Variants in AGBL1 observed in about 807,000 individuals in gnomAD.
AGBL1 encodes AGBL carboxypeptidase 1.
Under a neutral mutation model 118.9 loss-of-function variants are expected in AGBL1, and 130 were observed. The observed-to-expected ratio is 1.09, with a 90% CI of 0.95 to 1.26. AGBL1 has a LOEUF of 1.26. Ranked by LOEUF, AGBL1 falls within the 50% of genes most tolerant of loss-of-function variation. The probability of loss-of-function intolerance (pLI) is 0.00; values close to 1 mark genes in which losing one functional copy is unlikely to be tolerated. For missense variants in AGBL1, 1,584 were observed against 1,298.1 expected (o/e 1.22, Z -3.38); for synonymous variants, 555 against 478.9 (o/e 1.16, Z -2.08).
At chr15:86,294,196 G>A (rs760373089) in intron 16 of AGBL1, among the ~76,000 whole-genome samples, 6 of 151,968 alleles carry the variant, frequency 3.9e-5, no homozygotes, top group African/African-American at 4.8e-5. Flanking sequence ...TCAGGAGTTC[G>A]AGATCAGCCT....
intron 5 of AGBL1, among the ~76,000 whole-genome samples, chr15:86,199,776 G>C (rs180838514): frequency 1.3e-5 from 2 of 152,134 alleles, no homozygotes; most frequent in Admixed American, 6.5e-5. Flanking sequence ...TAAAATTTGC[G>C]TAGTGTTTAT....
intron 22 of AGBL1, among the ~76,000 whole-genome samples, chr15:86,807,339 C>G (rs1001246628): frequency 6.6e-6 from 1 of 152,060 alleles, no homozygotes; most frequent in Non-Finnish European, 1.5e-5. Flanking sequence ...TTCATAATAA[C>G]CTGTTGGAGA....
intron 22 of AGBL1, among the ~76,000 whole-genome samples, chr15:86,900,467 A>ATCCAT (rs2080195401): frequency 6.6e-6 from 1 of 152,118 alleles, no homozygotes; most frequent in Non-Finnish European, 1.5e-5. Flanking sequence ...AAAATAATTT[A>ATCCAT]TCCATTCTTA....
At chr15:86,697,232 A>T (rs2086278744) in intron 22 of AGBL1, among the ~76,000 whole-genome samples, 1 of 151,862 alleles carries the variant, frequency 6.6e-6, no homozygotes, top group Non-Finnish European at 1.5e-5. Context: ...CAGGAATGCC[A>T]GTTATTCCTA....
At chr15:86,856,010 T>G (rs2079474925) in intron 22 of AGBL1, among the ~76,000 whole-genome samples, 1 of 152,178 alleles carries the variant, frequency 6.6e-6, no homozygotes, top group Admixed American at 6.6e-5. Context: ...TTACATAGCT[T>G]CAGCCTCCAG....
intron 22 of AGBL1, among the ~76,000 whole-genome samples, chr15:86,828,914 G>A (rs1266866167): frequency 2.1e-5 from 3 of 141,862 alleles, no homozygotes; most frequent in Admixed American, 7.1e-5. Context: ...AAGTTCAAAA[G>A]TATATATATA....
At chr15:86,394,043 G>A (rs2141985213) in intron 17 of AGBL1, among the ~76,000 whole-genome samples, 1 of 152,274 alleles carries the variant, frequency 6.6e-6, no homozygotes, top group Admixed American at 6.5e-5. Flanking sequence ...CTGTAAAAAA[G>A]AAATTTCAGT....
chr15:86,481,654 A>G (rs1398483676), intron 18 of AGBL1, among the ~76,000 whole-genome samples: 1 of 152,090 alleles, frequency 6.6e-6, no homozygotes, highest in East Asian at 1.9e-4. Flanking sequence ...ACTGTTGCCA[A>G]TCTTTTCCTA....
chr15:86,756,218 A>G (rs540778344), intron 22 of AGBL1, among the ~76,000 whole-genome samples: 2 of 151,964 alleles, frequency 1.3e-5, no homozygotes, highest in Non-Finnish European at 2.9e-5. Flanking sequence ...ATAAGTCCCC[A>G]TGAAATTCCA....
rs117760225 is a variant in AGBL1, at chr15:86,239,620, C to T, written c.527-8051C>T. On this transcript the variant is annotated intron_variant, in intron 6 of 22. Coordinates refer to ENST00000614907, the MANE Select transcript of AGBL1 (RefSeq NM_001386094.1). ...CCCCAAAACATCTTCTCCAGGGACT[C>T]AAAGAACCATAGGCTATTTATTTGG... Among the ~76,000 whole-genome samples, 254 of 152,234 alleles carry T rather than the reference C, an allele frequency of 1.7e-3. 10 individuals are homozygous for T. In the East Asian group the frequency reaches 0.048, roughly 29 times the overall value.
chr15:86,442,595 C>G (rs895668394), intron 18 of AGBL1, among the ~76,000 whole-genome samples: 54 of 152,184 alleles, frequency 3.5e-4, no homozygotes, highest in Non-Finnish European at 6.6e-4. Context: ...TTCCTTCATT[C>G]AATCCACCAT....
Position 87,011,027 on chromosome 15 carries a change from T to A in AGBL1, c.3324-17798T>A, listed in dbSNP as rs997682610. 2.6e-5 allele frequency among the ~76,000 whole-genome samples: 4 copies of A among 152,260 alleles called. No individual in the cohort carries two copies. In the South Asian group the frequency reaches 8.3e-4, roughly 31 times the overall value. The stretch of plus-strand genomic sequence containing the variant: ...AACCCATTTTTCTCTTCTTGTTAAG[T>A]GCAGATAAACTAAATTTTGTGAACT... On this transcript the variant is annotated intron_variant, in intron 24 of 24. Coordinates refer to the AGBL1 transcript ENST00000441037.
intron 19 of AGBL1, among the ~76,000 whole-genome samples, chr15:86,527,521 A>G (rs575185383): frequency 2.6e-3 from 390 of 152,266 alleles, no homozygotes; most frequent in Middle Eastern, 6.8e-3. Context: ...GTTACCTAGG[A>G]GGCTATATTT....
intron 22 of AGBL1, among the ~76,000 whole-genome samples, chr15:86,828,957 G>C (rs1426137157): frequency 7.0e-6 from 1 of 143,382 alleles, no homozygotes; most frequent in Admixed American, 7.0e-5. Flanking sequence ...GTATTTATAT[G>C]GTATAATAAA....
At position 86,749,099 on chromosome 15, in the gene AGBL1, G is replaced by A. The variant is rs1567154669; in HGVS notation, c.3158+74663G>A. On this transcript the variant is annotated intron_variant, in intron 22 of 22. Transcript: ENST00000614907. ...GGATTGAATTTATAAATTACCTTGG[G>A]CAATATGGCCATTTTCACGATATTG... Among the ~76,000 whole-genome samples, 3 of 152,114 alleles carry A rather than the reference G, an allele frequency of 2.0e-5. No individual in the cohort carries two copies. The South Asian group carries it at 6.2e-4, about 32-fold the overall frequency.
chr15:86,298,405 C>T (rs1031612406), intron 17 of AGBL1, among the ~76,000 whole-genome samples: 2 of 143,734 alleles, frequency 1.4e-5, no homozygotes, highest in South Asian at 2.1e-4. Flanking sequence ...TATATAAACA[C>T]ATGCCGTTGC....
intron 22 of AGBL1, among the ~76,000 whole-genome samples, chr15:86,724,657 C>T (rs1264732469): frequency 2.0e-5 from 3 of 152,118 alleles, no homozygotes; most frequent in Non-Finnish European, 4.4e-5. Context: ...CTCCAAATCT[C>T]ATGTTGAAAT....
intron 22 of AGBL1, among the ~76,000 whole-genome samples, chr15:86,733,065 C>T (rs914163672): frequency 6.8e-6 from 1 of 147,964 alleles, no homozygotes; most frequent in African/African-American, 2.5e-5. Context: ...CTATATAAAT[C>T]ATATTATATA....
chr15:86,805,345 C>T (rs569908495), intron 22 of AGBL1, among the ~76,000 whole-genome samples: 72 of 152,224 alleles, frequency 4.7e-4, no homozygotes, highest in African/African-American at 1.6e-3. Flanking sequence ...TGTTCCAGCA[C>T]GCCACAAGAC....
Sources: gnomAD v4.1 joint callset for allele counts (sites outside exome capture counted in the v4.1 genomes callset) on GRCh38, gnomAD v4.1.1 for gene constraint, MANE v1.5 for transcripts, NCBI Gene and HGNC (gene_info 2026-07-23, HGNC 2026-07-21) for gene names.